Variants in SPOCK1 observed in about 807,000 individuals in gnomAD.
SPOCK1 encodes SPARC (osteonectin), cwcv and kazal like domains proteoglycan 1.
In SPOCK1, 23 loss-of-function variants were observed where a neutral mutation model predicts 55.3. The observed-to-expected ratio is 0.42, with a 90% CI of 0.30 to 0.59. The LOEUF (loss-of-function observed/expected upper bound fraction) is 0.59, where lower values mean the gene tolerates loss of function less well. Among genes scored for constraint, SPOCK1 ranks in the 20% least tolerant of loss-of-function variants. The pLI, the probability that SPOCK1 is intolerant of heterozygous loss-of-function variation, is 0.22. For synonymous variants in SPOCK1, 226 were observed against 221.0 expected, an observed-to-expected ratio of 1.02 and a Z score of -0.20; for missense variants, 499 against 552.5, an observed-to-expected ratio of 0.90 and a Z score of 0.97.
chr5:137,427,438 A>G (rs1752655372), intron 2 of SPOCK1, among the ~76,000 whole-genome samples: 1 of 152,118 alleles, frequency 6.6e-6, no homozygotes, highest in Admixed American at 6.5e-5. Context: ...CAGGGTTAGG[A>G]AGAAGCCAAG....
intron 3 of SPOCK1, among the ~76,000 whole-genome samples, chr5:137,257,891 T>C (rs1159991159): frequency 6.6e-6 from 1 of 152,176 alleles, no homozygotes; most frequent in Non-Finnish European, 1.5e-5. Flanking sequence ...CTTGGCTCTG[T>C]AGACCACAAG....
chr5:137,251,193 A>G (rs578026459), intron 3 of SPOCK1, among the ~76,000 whole-genome samples: 52 of 152,324 alleles, frequency 3.4e-4, no homozygotes, highest in African/African-American at 1.2e-3. Context: ...CTGCAAACCA[A>G]TGAATTATAT....
chr5:137,481,335 G>C (rs1267714165), intron 2 of SPOCK1, among the ~76,000 whole-genome samples: 1 of 152,158 alleles, frequency 6.6e-6, no homozygotes, highest in African/African-American at 2.4e-5. Context: ...TTACAGCCAA[G>C]ATTTAGTCTT....
chr5:137,422,259 T>A (rs1048995195), intron 2 of SPOCK1, among the ~76,000 whole-genome samples: 8 of 152,218 alleles, frequency 5.3e-5, no homozygotes, highest in Non-Finnish European at 8.8e-5. Flanking sequence ...GACAATTATG[T>A]GTCTTGGAGT....
intron 6 of SPOCK1, among the ~76,000 whole-genome samples, chr5:137,036,973 G>A (rs1751897283): frequency 6.6e-6 from 1 of 152,176 alleles, no homozygotes; most frequent in Admixed American, 6.5e-5. Context: ...CCCTGGGAGA[G>A]AGAGAGAGTG....
chr5:137,320,679 T>C (rs1223898016), intron 2 of SPOCK1, among the ~76,000 whole-genome samples: 1 of 152,136 alleles, frequency 6.6e-6, no homozygotes, highest in East Asian at 1.9e-4. Flanking sequence ...TCTCTCTAAA[T>C]GGGAAATTAC....
At position 137,383,124 on chromosome 5, in the gene SPOCK1, C is replaced by G. The variant is rs141983887; in HGVS notation, c.186+115249G>C. On this transcript the variant is annotated intron_variant, in intron 2 of 10. Coordinates refer to ENST00000394945, the MANE Select transcript of SPOCK1 (RefSeq NM_004598.4). ...CCCATCACTGTCATTTACTGTGAGT[C>G]CTTAGATTAGTCACTTAAGAGTTAA... Among the ~76,000 whole-genome samples the G allele has an allele frequency of 3.7e-3, 569 of 152,226 alleles. 6 individuals carry two copies. Among genetic ancestry groups the G allele is most frequent in the African/African-American group, 0.013 (542 of 41,524 alleles).
At chr5:137,089,126 G>A (rs1460255031) in intron 5 of SPOCK1, among the ~76,000 whole-genome samples, 1 of 152,140 alleles carries the variant, frequency 6.6e-6, no homozygotes, top group Non-Finnish European at 1.5e-5. Context: ...GGGAGGAGGA[G>A]GGGGCTTGTG....
At chr5:137,241,413 G>A (rs1756278935) in intron 3 of SPOCK1, among the ~76,000 whole-genome samples, 2 of 152,180 alleles carry the variant, frequency 1.3e-5, no homozygotes, top group African/African-American at 4.8e-5. Flanking sequence ...TGAAAGATGG[G>A]CAAAGGACAT....
intron 2 of SPOCK1, among the ~76,000 whole-genome samples, chr5:137,324,330 G>A (rs573443021): frequency 2.0e-5 from 3 of 152,102 alleles, no homozygotes; most frequent in South Asian, 4.2e-4. Flanking sequence ...CAATAATCCT[G>A]TCTACTTAGG....
intron 2 of SPOCK1, among the ~76,000 whole-genome samples, chr5:137,307,521 T>C (rs1369927092): frequency 6.6e-6 from 1 of 152,242 alleles, no homozygotes; most frequent in African/African-American, 2.4e-5. Context: ...TTCTGGTCCA[T>C]GGTTTTTACC....
At chr5:137,332,062 T>C (rs953850024) in intron 2 of SPOCK1, among the ~76,000 whole-genome samples, 1 of 152,168 alleles carries the variant, frequency 6.6e-6, no homozygotes, top group Non-Finnish European at 1.5e-5. Flanking sequence ...CAGCAAGGCC[T>C]GCAAGGCCCC....
chr5:136,994,516 C>T (rs1396291364), intron 6 of SPOCK1, among the ~76,000 whole-genome samples: 1 of 151,306 alleles, frequency 6.6e-6, no homozygotes. Context: ...ATGGTAATTA[C>T]TTAGTATGTG....
At chr5:137,071,253 C>T (rs1752611152) in intron 5 of SPOCK1, among the ~76,000 whole-genome samples, 1 of 152,054 alleles carries the variant, frequency 6.6e-6, no homozygotes, top group Non-Finnish European at 1.5e-5. Flanking sequence ...CCCAGCCTCC[C>T]GAAATGCTAG....
rs1312755244 is a variant in SPOCK1 at position 137,214,224 on chromosome 5, A to C, written c.232+52786T>G. ...TAAAAAAGAGATTATTTTTATTTCT[A>C]TTTTACAAAGGAAAAAAACTGAAGC... On this transcript the variant is annotated intron_variant, in intron 3 of 10. Transcript: ENST00000394945. 6.6e-5 allele frequency among the ~76,000 whole-genome samples: 10 copies of C among 152,236 alleles called. No homozygotes were observed. The South Asian group carries it at 2.1e-3, about 32-fold the overall frequency.
chr5:137,442,099 T>C (rs1753026465), intron 2 of SPOCK1, among the ~76,000 whole-genome samples: 3 of 152,240 alleles, frequency 2.0e-5, no homozygotes, highest in Admixed American at 6.5e-5. Flanking sequence ...TTCTGGCAGA[T>C]CTTGATCCAT....
At chr5:137,061,568 C>T (rs760571169) in intron 6 of SPOCK1, among the ~76,000 whole-genome samples, 14 of 152,158 alleles carry the variant, frequency 9.2e-5, no homozygotes, top group Non-Finnish European at 4.4e-5. Flanking sequence ...CAAACCTGCC[C>T]CCATCCTGCT....
chr5:137,030,134 C>T (rs1217429193), intron 6 of SPOCK1, among the ~76,000 whole-genome samples: 1 of 152,222 alleles, frequency 6.6e-6, no homozygotes, highest in African/African-American at 2.4e-5. Flanking sequence ...AGAGCAGGAA[C>T]TAAAGCCTAA....
chr5:137,012,352 G>C (rs1429360187), intron 6 of SPOCK1, among the ~76,000 whole-genome samples: 1 of 152,152 alleles, frequency 6.6e-6, no homozygotes, highest in Non-Finnish European at 1.5e-5. Flanking sequence ...ACGAGCTGGA[G>C]AAAGAAGCAC....
Sources: gnomAD v4.1 joint callset for allele counts (sites outside exome capture counted in the v4.1 genomes callset) on GRCh38, gnomAD v4.1.1 for gene constraint, MANE v1.5 for transcripts, NCBI Gene and HGNC (gene_info 2026-07-23, HGNC 2026-07-21) for gene names.